The following TYRO3 variants were observed in gnomAD, a reference collection of about 807,000 sequenced individuals.
TYRO3 encodes the protein tyrosine-protein kinase receptor TYRO3.
In TYRO3, 38 loss-of-function variants were observed where a neutral mutation model predicts 95.2. That is an observed-to-expected ratio of 0.40 (90% CI 0.31 to 0.52). The LOEUF (loss-of-function observed/expected upper bound fraction) is 0.52, where lower values mean the gene tolerates loss of function less well. Ranked by LOEUF, TYRO3 falls within the 20% of genes least tolerant of loss-of-function variation. TYRO3 has a pLI of 0.56. For missense variants in TYRO3, 812 were observed against 1,116.4 expected (o/e 0.73, Z 3.89); for synonymous variants, 367 against 432.9 (o/e 0.85, Z 1.89).
chr15:41,564,642 TG>T, intron 5 of TYRO3: 1 of 368,616 alleles, frequency 2.7e-6, no homozygotes, highest in Non-Finnish European at 5.2e-6. Flanking sequence ...ACCAGAGGGC[TG>T]GTGTACAGAG....
At chr15:41,561,437 G>A (rs1375745335) in intron 2 of TYRO3, 102 bp from the exon 3 acceptor site, 42 of 1,510,928 alleles carry the variant, frequency 2.8e-5, no homozygotes, top group Non-Finnish European at 3.7e-5. Flanking sequence ...TTGGCTACCT[G>A]TGGGACCTTC....
intron 8 of TYRO3, 28 bp downstream of exon 8, chr15:41,568,390 C>G: frequency 6.3e-7 from 1 of 1,588,304 alleles, no homozygotes; most frequent in South Asian, 1.1e-5. Context: ...CCTCTCTCCA[C>G]TCTCCTGGAG....
chr15:41,561,721 C>T, intron 3 of TYRO3, 82 bp downstream of exon 3: 1 of 1,096,676 alleles, frequency 9.1e-7, no homozygotes, highest in Non-Finnish European at 1.3e-6. Context: ...GCGGAGAACT[C>T]AGTAGAAGCT....
At chr15:41,567,732 G>A (rs1288577147) in intron 7 of TYRO3, among the ~76,000 whole-genome samples, 195 bp downstream of exon 7, 2 of 152,212 alleles carry the variant, frequency 1.3e-5, no homozygotes, top group Non-Finnish European at 2.9e-5. Context: ...GAAAAGATCA[G>A]ATAATGTGGT....
intron 6 of TYRO3, 38 bp from the exon 7 acceptor site, chr15:41,567,322 G>T: frequency 6.9e-7 from 1 of 1,438,924 alleles, no homozygotes. Flanking sequence ...TCTCTCACAG[G>T]CTCTCCCCTA....
chr15:41,576,343 A>G (rs1218796326), intron 18 of TYRO3, among the ~76,000 whole-genome samples: 1 of 151,276 alleles, frequency 6.6e-6, no homozygotes, highest in Non-Finnish European at 1.5e-5. Context: ...ACAGGCATGC[A>G]CCACCCTGCC....
At chr15:41,560,388 C>CGTGT (rs1177291795) in intron 1 of TYRO3, among the ~76,000 whole-genome samples, 200 of 72,080 alleles carry the variant, frequency 2.8e-3, no homozygotes, top group African/African-American at 8.4e-3. Context: ...AGGAGAGGTG[C>CGTGT]GTGTATGTGT....
At chr15:41,559,902 G>A (rs2052141629) in intron 1 of TYRO3, among the ~76,000 whole-genome samples, 1 of 152,234 alleles carries the variant, frequency 6.6e-6, no homozygotes, top group Admixed American at 6.5e-5. Flanking sequence ...GCAGAACCTT[G>A]GAGAGGATGG....
chr15:41,568,650 T>C (rs1401072307), intron 8 of TYRO3, among the ~76,000 whole-genome samples: 3 of 151,962 alleles, frequency 2.0e-5, no homozygotes, highest in Non-Finnish European at 4.4e-5. Flanking sequence ...TTCGCTCCCA[T>C]CCCCCACCTG....
rs776729491 is a variant in TYRO3 at position 41,564,985 on chromosome 15, C to T, written c.668-41C>T. 10 of 1,379,032 alleles carry T rather than the reference C, an allele frequency of 7.3e-6. No individual in the cohort carries two copies. In the East Asian group the frequency reaches 1.8e-4, roughly 25 times the overall value. The allele number at this position is 1,379,032 out of a possible 1,614,324, so 85.4% of individuals were successfully genotyped here. ...TCCCATGCCTCCTGCTGCCTCTGCT[C>T]ATATCCCTACTGGGCACTGATTCTG... On this transcript the variant is annotated intron_variant, in intron 5 of 18. Coordinates refer to ENST00000263798, the MANE Select transcript of TYRO3 (RefSeq NM_006293.4).
At position 41,577,870 on chromosome 15, in the gene TYRO3, C is replaced by A; in HGVS notation, c.2283-16C>A. 1 of 1,307,260 alleles carries A rather than the reference C, an allele frequency of 7.6e-7. No homozygotes were observed. The highest frequency in any genetic ancestry group is 1.0e-6 in the Non-Finnish European group (1 of 967,136). 81.0% of individuals were successfully genotyped at this position (1,307,260 alleles called of 1,614,324 possible). A position where few individuals can be genotyped will look rare whatever the true frequency, so the allele number is the denominator to read the frequency against. ...GGAAGGGCTCCTGCCTTTTCTCACG[C>A]TTCTCTCCACCCCAGGTATGATCTC... On this transcript the variant is annotated splice_polypyrimidine_tract_variant and intron_variant, in intron 18 of 18. Coordinates refer to ENST00000263798, the MANE Select transcript of TYRO3 (RefSeq NM_006293.4).
At chr15:41,564,090 G>A in intron 4 of TYRO3, 94 bp from the exon 5 acceptor site, 1 of 1,168,478 alleles carries the variant, frequency 8.6e-7, no homozygotes, top group Non-Finnish European at 1.3e-6. Context: ...GGGATTTAAG[G>A]ATGTTCAGAC....
intron 17 of TYRO3, 79 bp from the exon 18 acceptor site, chr15:41,573,600 C>T: frequency 6.2e-7 from 1 of 1,601,550 alleles, no homozygotes; most frequent in Non-Finnish European, 8.5e-7. Flanking sequence ...CCAGGTTGTG[C>T]TTGTCTCAGA....
intron 15 of TYRO3, 102 bp downstream of exon 15, chr15:41,572,666 G>C (rs968901252): frequency 1.3e-6 from 2 of 1,506,666 alleles, no homozygotes; most frequent in Non-Finnish European, 1.8e-6. Context: ...GGGTAGGGCT[G>C]ATGGAGCTGG....
intron 4 of TYRO3, among the ~76,000 whole-genome samples, chr15:41,563,080 G>A (rs181341627): frequency 2.3e-3 from 346 of 152,238 alleles, no homozygotes; most frequent in African/African-American, 8.2e-3. Flanking sequence ...GAACTAGGGA[G>A]GAGTATCTGG....
intron 6 of TYRO3, among the ~76,000 whole-genome samples, chr15:41,566,177 G>A (rs115995814): frequency 6.6e-6 from 1 of 152,200 alleles, no homozygotes; most frequent in African/African-American, 2.4e-5. Flanking sequence ...TCCAGGCACA[G>A]TGGCATGCGC....
At chr15:41,574,704 C>A (rs1397233110) in intron 18 of TYRO3, 1 of 455,474 alleles carries the variant, frequency 2.2e-6, no homozygotes, top group Non-Finnish European at 4.4e-6. Context: ...GGCCTTCAGA[C>A]AACCTTTTGT....
chr15:41,572,510 G>A lies in TYRO3; in HGVS notation c.1821G>A (p.Lys607=), dbSNP rs758355404. The stretch of plus-strand genomic sequence containing the variant: ...CCATGGTCATCTTGCCCTTCATGAA[G>A]CATGGGGACCTGCATGCCTTCCTGC... ...PIPMVILPFM[K]HGDLHAFLLA... Residue 607 remains lysine, a synonymous_variant, in exon 15 of 19, where the codon AAG becomes AAA. Transcript: ENST00000263798. 3.0e-5 allele frequency: 49 copies of A among 1,614,086 alleles called. No homozygotes were observed. The highest frequency in any genetic ancestry group is 4.1e-5 in the Non-Finnish European group (48 of 1,180,048).
At position 41,570,263 on chromosome 15, in the gene TYRO3, C is replaced by T. The variant is rs2055777891; in HGVS notation, c.1406C>T (p.Ala469Val). The T allele has an allele frequency of 3.1e-6, 5 of 1,613,920 alleles. No homozygotes were observed. In the South Asian group the frequency reaches 4.4e-5, roughly 14 times the overall value. The change falls in exon 11 of 19, where the codon GCC becomes GTC. Residue 469 changes from alanine to valine, a missense_variant. Physicochemically the swap from Ala to Val is moderately conservative, Grantham distance 64 (BLOSUM62 0). Transcript: ENST00000263798. ...AGGCAAGCCTTTGACAGTGTCATGG[C>T]CCGGGGAGAGCCAGCCGTTCACTTC... ...RFGQAFDSVM[A>V]RGEPAVHFRA...
Sources: gnomAD v4.1 joint callset for allele counts (sites outside exome capture counted in the v4.1 genomes callset) on GRCh38, gnomAD v4.1.1 for gene constraint, MANE v1.5 for transcripts, NCBI Gene and HGNC (gene_info 2026-07-23, HGNC 2026-07-21) for gene names.